Variants in BIRC6 observed in about 807,000 individuals in gnomAD.
BIRC6 encodes the protein dual E2 ubiquitin-conjugating enzyme/E3 ubiquitin-protein ligase BIRC6.
BIRC6 carries 98 observed loss-of-function variants against 503.3 expected under a neutral mutation model. The observed-to-expected ratio is 0.19, with a 90% CI of 0.17 to 0.23. The LOEUF (loss-of-function observed/expected upper bound fraction) is 0.23. Ranked by LOEUF, BIRC6 falls within the 10% of genes least tolerant of loss-of-function variation. The pLI is 1.00. For synonymous variants in BIRC6, 2,240 were observed against 2,078.7 expected (o/e 1.08, Z -2.11); for missense variants, 5,360 against 5,806.0 (o/e 0.92, Z 2.50).
At chr2:32,522,752 T>C (rs1174412745) in intron 57 of BIRC6, 1 of 152,270 alleles carries the variant, frequency 6.6e-6, no homozygotes, top group Non-Finnish European at 1.5e-5. Flanking sequence ...CTTGCCCTGC[T>C]ACTTTTCGAT....
chr2:32,396,620 C>A (rs764344234), intron 6 of BIRC6, among the ~76,000 whole-genome samples: 5 of 152,134 alleles, frequency 3.3e-5, no homozygotes, highest in Non-Finnish European at 1.5e-5. Flanking sequence ...AGTACTGAAC[C>A]ATATACATAC....
At chr2:32,533,358 C>A (rs1236751441) in intron 61 of BIRC6, among the ~76,000 whole-genome samples, 1 of 152,184 alleles carries the variant, frequency 6.6e-6, no homozygotes, top group Non-Finnish European at 1.5e-5. Flanking sequence ...GAGATTTCCA[C>A]ACAAAGTGGT....
intron 73 of BIRC6, among the ~76,000 whole-genome samples, chr2:32,612,126 C>T (rs545542974): frequency 1.3e-5 from 2 of 152,306 alleles, no homozygotes; most frequent in African/African-American, 4.8e-5. Flanking sequence ...CCTCAGCCAC[C>T]CAAATCACTG....
chr2:32,586,276 A>T (rs570428645), intron 66 of BIRC6, among the ~76,000 whole-genome samples: 1 of 151,868 alleles, frequency 6.6e-6, no homozygotes, highest in African/African-American at 2.4e-5. Flanking sequence ...TTAAAAAAAA[A>T]TTATAAATTG....
rs74612807 is a variant in BIRC6 at position 32,501,013 on chromosome 2, C to G, written c.9032-700C>G. Among the ~76,000 whole-genome samples, 689 of 152,140 alleles carry G rather than the reference C, an allele frequency of 4.5e-3. 7 individuals are homozygous for G. The highest frequency in any genetic ancestry group is 0.016 in the African/African-American group (671 of 41,514). On this transcript the variant is annotated intron_variant, in intron 46 of 73. Transcript: ENST00000421745. ...GACAAGTATTATTTGTTCACATTTG[C>G]TTTAAAAATAAAATGTAAAATTTTA...
chr2:32,603,849 ATATT>A (rs1220347304), intron 71 of BIRC6, among the ~76,000 whole-genome samples: 1 of 151,818 alleles, frequency 6.6e-6, no homozygotes, highest in South Asian at 2.1e-4. Flanking sequence ...TTAAAAATAA[ATATT>A]TATTATTACA....
chr2:32,485,891 T>C, intron 40 of BIRC6, 132 bp downstream of exon 40: 1 of 600,042 alleles, frequency 1.7e-6, no homozygotes. Context: ...TGTAGCACTT[T>C]CCTGGCTCCG....
intron 32 of BIRC6, among the ~76,000 whole-genome samples, chr2:32,471,604 T>A (rs538669216): frequency 6.6e-6 from 1 of 152,274 alleles, no homozygotes; most frequent in East Asian, 1.9e-4. Context: ...ACAGAAAAAT[T>A]TAAAAATTAA....
intron 23 of BIRC6, among the ~76,000 whole-genome samples, chr2:32,454,499 G>A (rs2047033266): frequency 6.6e-6 from 1 of 150,588 alleles, no homozygotes; most frequent in South Asian, 2.1e-4. Flanking sequence ...TCCTTCTCAC[G>A]TAGGAAGATC....
chr2:32,415,116 G>A lies in BIRC6; in HGVS notation c.1825G>A (p.Asp609Asn). 1 of 1,613,866 alleles carries A rather than the reference G, an allele frequency of 6.2e-7. No individual in the cohort carries two copies. The highest frequency in any genetic ancestry group is 8.5e-7 in the Non-Finnish European group (1 of 1,179,844). Residue 609 changes from aspartate to asparagine, a missense_variant, in exon 10 of 74, where the codon GAC becomes AAC. By Grantham distance (23) the Asp-to-Asn change is conservative. Around this residue, in one of 16 missense-constraint regions of BIRC6, gnomAD observed 700 missense variants for 739.3 expected, o/e 0.95. Coordinates refer to ENST00000421745, the MANE Select transcript of BIRC6 (RefSeq NM_016252.4). ...AAGTATATCAGAACAAGGGTCAACT[G>A]ACAATGAATCCTGCACTAATTCAGA... ...GESISEQGST[D>N]NESCTNSELN...
rs2048209429 is a variant in BIRC6 at position 32,463,445 on chromosome 2, TA to T, written c.4941+69del. On this transcript the variant is annotated intron_variant, in intron 24 of 73. Coordinates refer to ENST00000421745, the MANE Select transcript of BIRC6 (RefSeq NM_016252.4). ...AACTTCAAAAGCTGAAAAAGTACTT[TA>T]AAAATGACCATTATTTTCATAAAGA... The T allele has an allele frequency of 4.2e-6, 6 of 1,425,666 alleles. No individual in the cohort carries two copies. The Admixed American group carries it at 8.0e-5, about 19-fold the overall frequency. The allele number at this position is 1,425,666 out of a possible 1,614,324, so 88.3% of individuals were successfully genotyped here.
intron 64 of BIRC6, chr2:32,548,569 G>T (rs1287576561): frequency 6.8e-6 from 1 of 146,216 alleles, no homozygotes; most frequent in African/African-American, 2.6e-5. Context: ...ATCACCTGAG[G>T]TCAGGAGTTT....
rs1465539837 is a variant in BIRC6, at chr2:32,366,807, AC to A, written c.325+9325del. The stretch of plus-strand genomic sequence containing the variant: ...AGACCAGCCTGGGCAACATAGTGAG[AC>A]CCCGTCTCTACAAAAAAAAAAAAAT... On this transcript the variant is annotated intron_variant, in intron 1 of 73. Transcript: ENST00000421745. Among the ~76,000 whole-genome samples, 28 of 148,388 alleles carry A rather than the reference AC, an allele frequency of 1.9e-4. No individual in the cohort carries two copies. In the South Asian group the frequency reaches 3.9e-3, roughly 21 times the overall value.
intron 72 of BIRC6, among the ~76,000 whole-genome samples, 189 bp from the exon 73 acceptor site, chr2:32,611,259 T>A (rs988152405): frequency 2.6e-5 from 4 of 151,860 alleles, no homozygotes; most frequent in African/African-American, 9.7e-5. Flanking sequence ...AGAAAAACAT[T>A]GCAGTGTCTG....
At chr2:32,537,700 C>G (rs1244725548) in intron 61 of BIRC6, among the ~76,000 whole-genome samples, 3 of 152,190 alleles carry the variant, frequency 2.0e-5, no homozygotes, top group South Asian at 4.1e-4. Context: ...GGCGCAGTGG[C>G]TCAAGCCTGC....
chr2:32,390,879 T>C (rs557143309), intron 4 of BIRC6, among the ~76,000 whole-genome samples: 1 of 152,370 alleles, frequency 6.6e-6, no homozygotes, highest in South Asian at 2.1e-4. Context: ...ATATAACTTT[T>C]ATTAGTCGTA....
intron 45 of BIRC6, among the ~76,000 whole-genome samples, chr2:32,498,801 G>A (rs2052803518): frequency 6.6e-6 from 1 of 152,154 alleles, no homozygotes. Context: ...GGCCAGGTTG[G>A]TCTCAAACTC....
chr2:32,558,986 G>C (rs2058973536), intron 65 of BIRC6: 2 of 151,966 alleles, frequency 1.3e-5, no homozygotes, highest in South Asian at 4.2e-4. Context: ...TATTTCTTTT[G>C]AATTTTCTGT....
rs757060642 is a variant in BIRC6, at chr2:32,509,949, G to A, written c.10192G>A (p.Asp3398Asn). 1 of 1,613,982 alleles carries A rather than the reference G, an allele frequency of 6.2e-7. No individual in the cohort carries two copies. Among genetic ancestry groups the A allele is most frequent in the South Asian group, 1.1e-5 (1 of 91,074 alleles). The change falls in exon 52 of 74, where the codon GAC becomes AAC. Residue 3398 changes from aspartate to asparagine, a missense_variant. Coordinates refer to ENST00000421745, the MANE Select transcript of BIRC6 (RefSeq NM_016252.4). ...TACTAGAATTGGCCTGAAGCTCATA[G>A]ACATTCTCCTGAGAAATTGTGCAGC... ...QSTRIGLKLI[D>N]ILLRNCAASG...
Sources: allele counts gnomAD v4.1 joint callset (sites outside exome capture counted in the v4.1 genomes callset), GRCh38; gene constraint gnomAD v4.1.1; regional missense constraint gnomAD v4.1.1; transcripts MANE v1.5; gene names NCBI Gene and HGNC (gene_info 2026-07-23, HGNC 2026-07-21).